Variants in OSBPL10 observed in about 807,000 individuals in gnomAD.
OSBPL10 encodes oxysterol binding protein like 10.
OSBPL10 carries 49 observed loss-of-function variants against 81.7 expected under a neutral mutation model. The observed-to-expected ratio is 0.60, with a 90% CI of 0.48 to 0.76. The LOEUF (loss-of-function observed/expected upper bound fraction) is 0.76, where lower values mean the gene tolerates loss of function less well. OSBPL10 is among the 30% of genes least tolerant of loss of function. The pLI is 0.00. For missense variants in OSBPL10, 923 were observed against 987.8 expected, an observed-to-expected ratio of 0.93 and a Z score of 0.88; for synonymous variants, 419 against 383.6, an observed-to-expected ratio of 1.09 and a Z score of -1.08.
At chr3:31,880,208 C>T (rs1695523157) in intron 1 of OSBPL10, among the ~76,000 whole-genome samples, 1 of 152,202 alleles carries the variant, frequency 6.6e-6, no homozygotes, top group African/African-American at 2.4e-5. Context: ...AGTTGAAATT[C>T]ACAAGGCCTC....
chr3:31,954,355 A>C (rs914962155), intron 1 of OSBPL10, among the ~76,000 whole-genome samples: 23 of 152,200 alleles, frequency 1.5e-4, no homozygotes, highest in African/African-American at 5.3e-4. Flanking sequence ...AAGAAGCAAC[A>C]ATCCCAAGTT....
At chr3:32,027,207 G>A (rs1283636034) in intron 2 of OSBPL10, among the ~76,000 whole-genome samples, 3 of 152,028 alleles carry the variant, frequency 2.0e-5, no homozygotes. Flanking sequence ...AGGCCCCAGT[G>A]TGTGATGTTC....
intron 4 of OSBPL10, among the ~76,000 whole-genome samples, chr3:31,808,068 CA>C (rs1318373490): frequency 5.9e-5 from 9 of 152,142 alleles, no homozygotes; most frequent in African/African-American, 2.2e-4. Flanking sequence ...TGTAACTGAG[CA>C]GCTAGCTACA....
At chr3:31,855,280 CA>C (rs1426948596) in intron 3 of OSBPL10, among the ~76,000 whole-genome samples, 1 of 152,134 alleles carries the variant, frequency 6.6e-6, no homozygotes, top group East Asian at 1.9e-4. Flanking sequence ...CCAGGTCTCC[CA>C]AAATGCTGGG....
chr3:32,005,044 G>A (rs1040437664), intron 2 of OSBPL10, among the ~76,000 whole-genome samples: 9 of 152,040 alleles, frequency 5.9e-5, no homozygotes, highest in Non-Finnish European at 7.4e-5. Flanking sequence ...TTAATCTGCC[G>A]CTTCTTTCAC....
intron 1 of OSBPL10, among the ~76,000 whole-genome samples, chr3:31,961,004 C>T (rs143402125): frequency 0.018 from 2,717 of 151,954 alleles, 40 homozygotes; most frequent in Middle Eastern, 0.031. Context: ...ACAAATTCCC[C>T]AAGGGACCTC....
chr3:31,762,630 A>ATCTTTTTTTTTTTTT (rs1698080161), intron 4 of OSBPL10, among the ~76,000 whole-genome samples: 1 of 61,514 alleles, frequency 1.6e-5, no homozygotes, highest in African/African-American at 8.0e-5. Flanking sequence ...CATGCCCAGC[A>ATCTTTTTTTTTTTTT]TTTTTTTTTT....
At chr3:31,762,442 C>G (rs1489984015) in intron 4 of OSBPL10, among the ~76,000 whole-genome samples, 1 of 151,934 alleles carries the variant, frequency 6.6e-6, no homozygotes, top group African/African-American at 2.4e-5. Context: ...CCTCCCAGCT[C>G]TGTCTTGGCC....
chr3:32,019,340 A>T (rs1428215451), intron 2 of OSBPL10, among the ~76,000 whole-genome samples: 1 of 152,222 alleles, frequency 6.6e-6, no homozygotes, highest in Non-Finnish European at 1.5e-5. Context: ...AGGCTACCCC[A>T]TGAAAAAAAA....
At chr3:31,791,054 T>C (rs1486813692) in intron 4 of OSBPL10, among the ~76,000 whole-genome samples, 1 of 151,882 alleles carries the variant, frequency 6.6e-6, no homozygotes, top group Non-Finnish European at 1.5e-5. Flanking sequence ...GGTTTGATTC[T>C]GGTCCACTTG....
chr3:31,907,911 A>G (rs1202432058), intron 1 of OSBPL10, among the ~76,000 whole-genome samples: 1 of 152,186 alleles, frequency 6.6e-6, no homozygotes, highest in African/African-American at 2.4e-5. Context: ...GTAAGTGTCC[A>G]TAAGTGGCTT....
In OSBPL10 at chr3:31,899,866, C is replaced by T. The variant is rs1696181158; in HGVS notation, c.282-20036G>A. Among the ~76,000 whole-genome samples the T allele has an allele frequency of 2.0e-5, 3 of 151,950 alleles. No individual in the cohort carries two copies. The South Asian group carries it at 6.2e-4, about 32-fold the overall frequency. On this transcript the variant is annotated intron_variant, in intron 1 of 11. Transcript: ENST00000396556. ...GAGTATGATGGCACACACCTGTGGTCCCAGCATAGAAAATATTCTACAGAA... is the reference window on the plus strand; with the variant it reads ...GAGTATGATGGCACACACCTGTGGTTCCAGCATAGAAAATATTCTACAGAA...
At chr3:31,918,538 G>A (rs1696821912) in intron 1 of OSBPL10, among the ~76,000 whole-genome samples, 1 of 152,106 alleles carries the variant, frequency 6.6e-6, no homozygotes, top group African/African-American at 2.4e-5. Flanking sequence ...AAGGAAAAGG[G>A]TTAATGAGAT....
intron 8 of OSBPL10, among the ~76,000 whole-genome samples, chr3:31,673,432 G>T (rs1700376221): frequency 6.6e-6 from 1 of 152,130 alleles, no homozygotes; most frequent in South Asian, 2.1e-4. Context: ...AAGAGAGAGA[G>T]GTCACCTCAA....
At chr3:31,972,412 G>A (rs1355499587) in intron 1 of OSBPL10, among the ~76,000 whole-genome samples, 5 of 151,988 alleles carry the variant, frequency 3.3e-5, no homozygotes, top group African/African-American at 4.8e-5. Flanking sequence ...AAAGTTTCCC[G>A]ACTCTGCCCA....
chr3:31,683,050 T>A (rs1049474728), intron 8 of OSBPL10, among the ~76,000 whole-genome samples: 3 of 152,216 alleles, frequency 2.0e-5, no homozygotes, highest in African/African-American at 7.2e-5. Context: ...GATGCTTGAA[T>A]TTAACAAGGA....
intron 3 of OSBPL10, among the ~76,000 whole-genome samples, chr3:31,867,112 C>A (rs1701198615): frequency 6.6e-6 from 1 of 152,162 alleles, no homozygotes; most frequent in Non-Finnish European, 1.5e-5. Context: ...ACTCTTTACA[C>A]AGATGAAGAT....
intron 1 of OSBPL10, among the ~76,000 whole-genome samples, chr3:31,933,267 G>A (rs553095584): frequency 1.6e-4 from 24 of 152,268 alleles, no homozygotes; most frequent in South Asian, 4.1e-4. Context: ...TGAGGCCTTC[G>A]GTAAGTTCTC....
At chr3:31,702,318 C>T in intron 7 of OSBPL10, 41 bp downstream of exon 7, 6 of 1,606,296 alleles carry the variant, frequency 3.7e-6, no homozygotes, top group Non-Finnish European at 4.3e-6. Flanking sequence ...GAGACAGAAC[C>T]CCAACAACTG....
Sources: gnomAD v4.1 joint callset for allele counts (sites outside exome capture counted in the v4.1 genomes callset) on GRCh38, gnomAD v4.1.1 for gene constraint, MANE v1.5 for transcripts, NCBI Gene and HGNC (gene_info 2026-07-23, HGNC 2026-07-21) for gene names.